Variants in SPAG16 observed in about 807,000 individuals in gnomAD.
The protein encoded by SPAG16 is sperm associated antigen 16.
SPAG16 carries 86 observed loss-of-function variants against 80.4 expected under a neutral mutation model. The ratio of observed to expected loss-of-function variants is 1.07; its 90% CI spans 0.90 to 1.28. SPAG16 has a LOEUF of 1.28. Among genes scored for constraint, SPAG16 ranks in the 50% most tolerant of loss-of-function variants. SPAG16 has a pLI of 0.00. For missense variants in SPAG16, 870 were observed against 765.3 expected, an observed-to-expected ratio of 1.14 and a Z score of -1.61; for synonymous variants, 294 against 265.9, an observed-to-expected ratio of 1.11 and a Z score of -1.03.
At chr2:213,497,446 G>GTTT (rs369848596) in intron 10 of SPAG16, among the ~76,000 whole-genome samples, 1 of 136,704 alleles carries the variant, frequency 7.3e-6, no homozygotes, top group Non-Finnish European at 1.6e-5. Context: ...GTTCTACCTT[G>GTTT]TTTTTTTTTT....
chr2:213,389,933 C>T (rs990295479), intron 9 of SPAG16, among the ~76,000 whole-genome samples: 2 of 152,064 alleles, frequency 1.3e-5, no homozygotes, highest in Non-Finnish European at 2.9e-5. Flanking sequence ...TATTTTACAC[C>T]CATGTTCATA....
intron 15 of SPAG16, among the ~76,000 whole-genome samples, chr2:214,193,428 A>T (rs62196163): frequency 0.084 from 7,366 of 87,554 alleles, 213 homozygotes; most frequent in Non-Finnish European, 0.13. Context: ...TGTGTGTATG[A>T]GAGAGAGAGA....
At chr2:214,131,531 A>G (rs1477054710) in intron 14 of SPAG16, among the ~76,000 whole-genome samples, 3 of 152,162 alleles carry the variant, frequency 2.0e-5, no homozygotes, top group Non-Finnish European at 4.4e-5. Flanking sequence ...TTTATTCATA[A>G]CTGTGAAAAC....
intron 14 of SPAG16, among the ~76,000 whole-genome samples, chr2:214,148,380 C>G (rs1199124795): frequency 6.6e-6 from 1 of 152,178 alleles, no homozygotes; most frequent in East Asian, 1.9e-4. Context: ...GCAAAACTAT[C>G]TCTCCCCACC....
At chr2:213,870,678 A>G (rs2075911802) in intron 11 of SPAG16, among the ~76,000 whole-genome samples, 1 of 152,196 alleles carries the variant, frequency 6.6e-6, no homozygotes, top group Non-Finnish European at 1.5e-5. Context: ...CACAGTTCTG[A>G]TCTCAGAATC....
intron 12 of SPAG16, among the ~76,000 whole-genome samples, chr2:213,943,933 T>C (rs542646817): frequency 6.6e-6 from 1 of 152,200 alleles, no homozygotes; most frequent in Non-Finnish European, 1.5e-5. Flanking sequence ...TGAAGAAAAG[T>C]TGTTGGACTT....
At chr2:213,839,077 T>C (rs907279059) in intron 10 of SPAG16, among the ~76,000 whole-genome samples, 1 of 152,224 alleles carries the variant, frequency 6.6e-6, no homozygotes, top group Non-Finnish European at 1.5e-5. Context: ...TTGTAGATGA[T>C]TGGAAAAGCC....
At position 214,149,240 on chromosome 2, in the gene SPAG16, G is replaced by T; in HGVS notation, c.1694G>T (p.Gly565Val). ...IVSIDIGPSPGNEVNFDSSGR... is the reference protein window; with the variant it reads ...IVSIDIGPSPVNEVNFDSSGR... ...TCCATCGATATAGGTCCAAGTCCTG[G>T]CAATGAGGTGAATTTTGATTCATCA... is the stretch of plus-strand genomic sequence containing the variant. Residue 565 changes from glycine to valine, a missense_variant, in exon 15 of 16, where the codon GGC becomes GTC. By Grantham distance (109) the Gly-to-Val change is moderately radical. Coordinates refer to ENST00000331683, the MANE Select transcript of SPAG16 (RefSeq NM_024532.5). The T allele has an allele frequency of 1.3e-6, 2 of 1,580,708 alleles. No homozygotes were observed. Among genetic ancestry groups the T allele is most frequent in the Middle Eastern group, 1.7e-4 (1 of 5,892 alleles).
At chr2:214,289,730 A>G (rs777270730) in intron 15 of SPAG16, among the ~76,000 whole-genome samples, 15 of 151,762 alleles carry the variant, frequency 9.9e-5, no homozygotes, top group Non-Finnish European at 2.1e-4. Context: ...TTGGTTTGAT[A>G]TGAATTCTAT....
At chr2:213,625,955 G>T (rs1384959576) in intron 10 of SPAG16, among the ~76,000 whole-genome samples, 4 of 152,058 alleles carry the variant, frequency 2.6e-5, no homozygotes, top group Admixed American at 2.6e-4. Flanking sequence ...CTCCCAAAGT[G>T]CTGAGATTAC....
At chr2:214,246,197 A>G (rs1689835206) in intron 15 of SPAG16, among the ~76,000 whole-genome samples, 1 of 152,140 alleles carries the variant, frequency 6.6e-6, no homozygotes, top group South Asian at 2.1e-4. Context: ...GAGGGACTTT[A>G]GACAAATCCC....
intron 15 of SPAG16, among the ~76,000 whole-genome samples, chr2:214,227,779 A>G: frequency 6.8e-6 from 1 of 147,962 alleles, no homozygotes; most frequent in East Asian, 2.0e-4. Flanking sequence ...CTATCTTATT[A>G]TTTTCTTCCC....
At chr2:213,941,957 A>G (rs12470022) in intron 12 of SPAG16, among the ~76,000 whole-genome samples, 1 of 151,806 alleles carries the variant, frequency 6.6e-6, no homozygotes, top group Non-Finnish European at 1.5e-5. Flanking sequence ...ACCATTTCTT[A>G]TCTCTCCAGC....
chr2:213,868,851 CAT>C (rs1387562613), intron 11 of SPAG16, among the ~76,000 whole-genome samples: 1 of 152,156 alleles, frequency 6.6e-6, no homozygotes, highest in Non-Finnish European at 1.5e-5. Flanking sequence ...CAAAATACCT[CAT>C]GTTCTCTCTT....
intron 4 of SPAG16, among the ~76,000 whole-genome samples, chr2:213,313,499 T>G (rs2063286378): frequency 6.6e-6 from 1 of 151,760 alleles, no homozygotes; most frequent in Non-Finnish European, 1.5e-5. Flanking sequence ...ATAGGGAGAT[T>G]AGGAAATCTC....
At position 213,332,350 on chromosome 2, in the gene SPAG16, A is replaced by T. The variant is rs372929071; in HGVS notation, c.537-7813A>T. The stretch of plus-strand genomic sequence containing the variant: ...AGAATTAAACCATGAAGAAATACAA[A>T]ATATGAATAGACCAATAACAATAAA... On this transcript the variant is annotated intron_variant, in intron 5 of 15. Transcript: ENST00000331683. 2.4e-4 allele frequency among the ~76,000 whole-genome samples: 36 copies of T among 152,300 alleles called. 3 individuals are homozygous for T. The South Asian group carries it at 7.5e-3, about 32-fold the overall frequency.
At chr2:213,486,381 A>G (rs546953924) in intron 9 of SPAG16, among the ~76,000 whole-genome samples, 2 of 152,208 alleles carry the variant, frequency 1.3e-5, no homozygotes, top group Admixed American at 1.3e-4. Flanking sequence ...CTGCATTCTC[A>G]TGTTTATTGC....
intron 15 of SPAG16, among the ~76,000 whole-genome samples, chr2:214,268,943 C>A (rs1230321742): frequency 2.0e-5 from 3 of 151,860 alleles, no homozygotes; most frequent in Non-Finnish European, 4.4e-5. Flanking sequence ...CTAAGTTCTA[C>A]CAATCTCTAA....
rs776521624 is a variant in SPAG16, at chr2:214,410,333, T to C, written c.*18T>C. The C allele has an allele frequency of 6.3e-7, 1 of 1,577,080 alleles. No individual in the cohort carries two copies. The highest frequency in any genetic ancestry group is 1.7e-5 in the Admixed American group (1 of 58,708). On this transcript the variant is annotated 3_prime_UTR_variant, in exon 16 of 16. Coordinates refer to ENST00000331683, the MANE Select transcript of SPAG16 (RefSeq NM_024532.5). ...GGTCTTGACCGTCAGCACATCCCGC[T>C]GCAGAGGGCATTCCCTTTAAGGCTT...
Sources: allele counts gnomAD v4.1 joint callset (sites outside exome capture counted in the v4.1 genomes callset), GRCh38; gene constraint gnomAD v4.1.1; transcripts MANE v1.5; gene names NCBI Gene and HGNC (gene_info 2026-07-23, HGNC 2026-07-21).